The following MACROD2 variants were observed in gnomAD, a reference collection of about 807,000 sequenced individuals.
The protein encoded by MACROD2 is ADP-ribose glycohydrolase MACROD2.
Under a neutral mutation model 70.4 loss-of-function variants are expected in MACROD2, and 36 were observed. The ratio of observed to expected loss-of-function variants is 0.51; its 90% CI spans 0.39 to 0.68. The LOEUF (loss-of-function observed/expected upper bound fraction) is 0.68. Ranked by LOEUF, MACROD2 falls within the 30% of genes least tolerant of loss-of-function variation. MACROD2 has a pLI of 0.00. For synonymous variants in MACROD2, 172 were observed against 178.8 expected (o/e 0.96, Z 0.30); for missense variants, 496 against 538.4 (o/e 0.92, Z 0.78).
chr20:15,692,437 A>C (rs1041267929), intron 8 of MACROD2, among the ~76,000 whole-genome samples: 6 of 152,032 alleles, frequency 3.9e-5, no homozygotes, highest in Non-Finnish European at 7.4e-5. Context: ...TCCAGGGTTG[A>C]GGGGGAAAAT....
At chr20:14,553,348 A>G (rs1048123565) in intron 4 of MACROD2, among the ~76,000 whole-genome samples, 2 of 151,554 alleles carry the variant, frequency 1.3e-5, no homozygotes, top group African/African-American at 2.4e-5. Context: ...CTCCTATGAT[A>G]ATAGTGTCTT....
chr20:15,704,717 A>G (rs936178804), intron 8 of MACROD2, among the ~76,000 whole-genome samples: 1 of 152,242 alleles, frequency 6.6e-6, no homozygotes, highest in African/African-American at 2.4e-5. Context: ...TGGACATAAA[A>G]TGGACATAAA....
At chr20:15,849,445 C>T (rs1004012352) in intron 8 of MACROD2, among the ~76,000 whole-genome samples, 10 of 152,168 alleles carry the variant, frequency 6.6e-5, no homozygotes, top group Non-Finnish European at 1.2e-4. Flanking sequence ...AGGCACAGGA[C>T]GATTGCACGG....
chr20:14,679,291 A>C (rs564598341), intron 4 of MACROD2, among the ~76,000 whole-genome samples: 9 of 152,192 alleles, frequency 5.9e-5, no homozygotes, highest in Non-Finnish European at 1.0e-4. Context: ...AAAATGGGAA[A>C]GACCTCGCTA....
intron 2 of MACROD2, among the ~76,000 whole-genome samples, chr20:14,046,854 G>A (rs1449223934): frequency 2.0e-5 from 3 of 151,974 alleles, no homozygotes; most frequent in Non-Finnish European, 4.4e-5. Context: ...ACAGAATAAG[G>A]ATAGGGATAT....
At chr20:14,391,299 A>T (rs555990393) in intron 3 of MACROD2, among the ~76,000 whole-genome samples, 1 of 152,322 alleles carries the variant, frequency 6.6e-6, no homozygotes, top group South Asian at 2.1e-4. Flanking sequence ...CCATAAAAGG[A>T]ACAAGATCAT....
intron 8 of MACROD2, among the ~76,000 whole-genome samples, chr20:15,796,296 C>T (rs1467894812): frequency 1.3e-5 from 2 of 152,298 alleles, no homozygotes; most frequent in African/African-American, 2.4e-5. Flanking sequence ...TGCTAAGACG[C>T]AAGGCAGATG....
At chr20:14,047,120 T>G (rs2053489678) in intron 2 of MACROD2, among the ~76,000 whole-genome samples, 1 of 152,152 alleles carries the variant, frequency 6.6e-6, no homozygotes, top group South Asian at 2.1e-4. Context: ...ATATATAGTT[T>G]TATGAGTATA....
At chr20:15,196,907 C>T in intron 5 of MACROD2, 1 of 985,326 alleles carries the variant, frequency 1.0e-6, no homozygotes, top group Non-Finnish European at 1.2e-6. Flanking sequence ...GATGCACTTG[C>T]CACATTTTGG....
chr20:15,288,869 C>CTATA (rs1162169452), intron 6 of MACROD2, among the ~76,000 whole-genome samples: 1 of 107,240 alleles, frequency 9.3e-6, no homozygotes, highest in East Asian at 2.7e-4. Flanking sequence ...GTCTGTCTGT[C>CTATA]TATCTATCTA....
intron 7 of MACROD2, among the ~76,000 whole-genome samples, chr20:15,481,687 A>C (rs929736884): frequency 4.2e-5 from 6 of 142,112 alleles, no homozygotes; most frequent in Non-Finnish European, 9.0e-5. Flanking sequence ...ATAAACATTA[A>C]AAAAAAAAAA....
intron 4 of MACROD2, among the ~76,000 whole-genome samples, chr20:14,515,454 T>TGCACACACAC (rs772121695): frequency 1.7e-5 from 2 of 115,360 alleles, no homozygotes; most frequent in Non-Finnish European, 3.5e-5. Flanking sequence ...ATATGTGAGA[T>TGCACACACAC]ACACACACAC....
In MACROD2 at chr20:14,376,621, G is replaced by A. The variant is rs1428739506; in HGVS notation, c.272-116858G>A. 4.6e-5 allele frequency among the ~76,000 whole-genome samples: 7 copies of A among 152,080 alleles called. No homozygotes were observed. The East Asian group carries it at 1.4e-3, about 29-fold the overall frequency. Reference sequence around the variant, plus strand: ...AAACATTAGCCAGGCATGGTGGCATGTGCCTATAGTCCCAGCTTCTTGGAG... The same window carrying A: ...AAACATTAGCCAGGCATGGTGGCATATGCCTATAGTCCCAGCTTCTTGGAG... On this transcript the variant is annotated intron_variant, in intron 3 of 17. Coordinates refer to ENST00000684519, the MANE Select transcript of MACROD2 (RefSeq NM_001351661.2).
intron 5 of MACROD2, among the ~76,000 whole-genome samples, chr20:14,993,635 A>G (rs531373602): frequency 1.2e-4 from 19 of 152,276 alleles, no homozygotes; most frequent in African/African-American, 4.3e-4. Flanking sequence ...AAATGTTGTG[A>G]TATTTAACAA....
chr20:14,863,413 G>A (rs935892014), intron 5 of MACROD2, among the ~76,000 whole-genome samples: 4 of 152,108 alleles, frequency 2.6e-5, no homozygotes, highest in South Asian at 2.1e-4. Flanking sequence ...GTAAAGGAAC[G>A]ATTCTTACAG....
Position 15,233,586 on chromosome 20 carries a change from G to GA in MACROD2, c.540+3531dup, listed in dbSNP as rs545147736. ...TACTATATATTTTATTAACTTAGGG[G>GA]AAAAAATTCATTACATTTCTGTTCT... is the stretch of plus-strand genomic sequence containing the variant. On this transcript the variant is annotated intron_variant, in intron 6 of 17. Coordinates refer to ENST00000684519, the MANE Select transcript of MACROD2 (RefSeq NM_001351661.2). Among the ~76,000 whole-genome samples the GA allele has an allele frequency of 6.5e-4, 99 of 152,002 alleles. 1 individual carries two copies. Among genetic ancestry groups the GA allele is most frequent in the African/African-American group, 2.1e-3 (89 of 41,470 alleles).
chr20:14,172,221 G>A (rs2081227474), intron 3 of MACROD2, among the ~76,000 whole-genome samples: 2 of 151,244 alleles, frequency 1.3e-5, no homozygotes, highest in African/African-American at 4.9e-5. Flanking sequence ...TTAAGTTTAT[G>A]TGAGTCCTTT....
At chr20:14,422,896 A>G (rs772384906) in intron 3 of MACROD2, among the ~76,000 whole-genome samples, 5 of 152,212 alleles carry the variant, frequency 3.3e-5, no homozygotes, top group Non-Finnish European at 7.3e-5. Flanking sequence ...ACTGTCAAGC[A>G]TCCTTTCATT....
chr20:14,708,492 T>G (rs1181058034), intron 5 of MACROD2, among the ~76,000 whole-genome samples: 1 of 152,192 alleles, frequency 6.6e-6, no homozygotes, highest in Non-Finnish European at 1.5e-5. Flanking sequence ...CTGTTACAAA[T>G]AAGAACATGA....
Sources: gnomAD v4.1 joint callset for allele counts (sites outside exome capture counted in the v4.1 genomes callset) on GRCh38, gnomAD v4.1.1 for gene constraint, MANE v1.5 for transcripts, NCBI Gene and HGNC (gene_info 2026-07-23, HGNC 2026-07-21) for gene names.